Variants in RBFOX1 observed in about 807,000 individuals in gnomAD.
RBFOX1 encodes RNA binding fox-1 homolog 1, also known as RNA binding protein fox-1 homolog 1.
Under a neutral mutation model 57.7 loss-of-function variants are expected in RBFOX1, and 8 were observed. The observed-to-expected ratio is 0.14, with a 90% CI of 0.08 to 0.25. The LOEUF is 0.25. Among genes scored for constraint, RBFOX1 ranks in the 10% least tolerant of loss-of-function variants. RBFOX1 has a pLI of 1.00. For synonymous variants in RBFOX1, 326 were observed against 222.4 expected (o/e 1.47, Z -4.15); for missense variants, 611 against 548.5 (o/e 1.11, Z -1.14).
intron 3 of RBFOX1, among the ~76,000 whole-genome samples, chr16:6,766,836 G>C (rs1239422125): frequency 6.6e-6 from 1 of 152,030 alleles, no homozygotes; most frequent in Non-Finnish European, 1.5e-5. Context: ...TAAAGGATGG[G>C]AGGGGATCTG....
chr16:6,492,280 G>C (rs923361171), intron 2 of RBFOX1, among the ~76,000 whole-genome samples: 1 of 152,136 alleles, frequency 6.6e-6, no homozygotes, highest in Non-Finnish European at 1.5e-5. Flanking sequence ...TTCTTATTTT[G>C]AAAAAGTAGG....
At chr16:5,746,397 G>C (rs532494642) in intron 3 of RBFOX1, among the ~76,000 whole-genome samples, 1 of 152,152 alleles carries the variant, frequency 6.6e-6, no homozygotes, top group African/African-American at 2.4e-5. Context: ...TGTTCTTTTG[G>C]TTTAGGATTG....
chr16:6,618,716 A>G (rs557767241), intron 2 of RBFOX1, among the ~76,000 whole-genome samples: 1 of 152,210 alleles, frequency 6.6e-6, no homozygotes, highest in Non-Finnish European at 1.5e-5. Context: ...AAGCATTTCA[A>G]AAGCCCTCAC....
intron 2 of RBFOX1, among the ~76,000 whole-genome samples, chr16:5,587,170 G>A (rs1464289973): frequency 3.3e-5 from 5 of 152,156 alleles, no homozygotes; most frequent in African/African-American, 4.8e-5. Context: ...CCATTGAGTT[G>A]GGAGAGTATA....
intron 2 of RBFOX1, among the ~76,000 whole-genome samples, chr16:6,569,562 C>G (rs1444224148): frequency 1.3e-5 from 2 of 152,206 alleles, no homozygotes; most frequent in Non-Finnish European, 2.9e-5. Flanking sequence ...TTCTGGCAAG[C>G]TATGAGCTGT....
chr16:5,398,380 T>C (rs988091488), intron 1 of RBFOX1, among the ~76,000 whole-genome samples: 1 of 152,066 alleles, frequency 6.6e-6, no homozygotes, highest in African/African-American at 2.4e-5. Flanking sequence ...CATGTGCTTG[T>C]GTGTATGCAT....
chr16:6,657,098 C>G (rs1339199199), intron 3 of RBFOX1, among the ~76,000 whole-genome samples: 1 of 116,236 alleles, frequency 8.6e-6, no homozygotes, highest in Non-Finnish European at 1.7e-5. Context: ...CTCCCCTTTA[C>G]TCTCCTCTCC....
intron 2 of RBFOX1, among the ~76,000 whole-genome samples, chr16:5,485,281 G>A (rs2069687919): frequency 7.2e-6 from 1 of 138,874 alleles, no homozygotes; most frequent in South Asian, 2.3e-4. Flanking sequence ...AGGAGGCGGA[G>A]CTTGCAGTAA....
chr16:5,864,494 T>C (rs1389915427), intron 3 of RBFOX1, among the ~76,000 whole-genome samples: 1 of 151,980 alleles, frequency 6.6e-6, no homozygotes, highest in Admixed American at 6.6e-5. Context: ...TTTTCACATA[T>C]GCATCTATTG....
chr16:7,455,053 A>T (rs1011155928), intron 4 of RBFOX1, among the ~76,000 whole-genome samples: 1 of 152,216 alleles, frequency 6.6e-6, no homozygotes, highest in Non-Finnish European at 1.5e-5. Flanking sequence ...CCTATGTGTC[A>T]GGTACCATGC....
At chr16:7,250,213 G>A (rs1012220477) in intron 4 of RBFOX1, among the ~76,000 whole-genome samples, 3 of 152,184 alleles carry the variant, frequency 2.0e-5, no homozygotes, top group South Asian at 2.1e-4. Context: ...TAAATGGTAT[G>A]TGAAGCATGA....
At chr16:6,002,413 G>C (rs146178587) in intron 4 of RBFOX1, among the ~76,000 whole-genome samples, 1 of 152,198 alleles carries the variant, frequency 6.6e-6, no homozygotes, top group Admixed American at 6.5e-5. Context: ...CTGGCTGTGC[G>C]TACTAGTTAA....
At chr16:7,203,016 G>A (rs1035518709) in intron 4 of RBFOX1, among the ~76,000 whole-genome samples, 2 of 152,136 alleles carry the variant, frequency 1.3e-5, no homozygotes, top group African/African-American at 4.8e-5. Flanking sequence ...TGGATCTCCT[G>A]ACCTCGTGAT....
At chr16:7,194,288 CT>C (rs1267235888) in intron 4 of RBFOX1, among the ~76,000 whole-genome samples, 1 of 152,122 alleles carries the variant, frequency 6.6e-6, no homozygotes, top group Non-Finnish European at 1.5e-5. Context: ...TTATGGCTAC[CT>C]TTTATTCAGA....
rs189877579 is a variant in RBFOX1, at chr16:7,205,777, G to A, written c.27+153679G>A. ...TGAAAAGGGCAAAAGTGAGTGCAGG[G>A]ACTGCAGTGATTATCTGTATGAGGT... On this transcript the variant is annotated intron_variant, in intron 4 of 15. Transcript: ENST00000550418. 2.1e-3 allele frequency among the ~76,000 whole-genome samples: 316 copies of A among 152,334 alleles called. 1 individual carries two copies. Among genetic ancestry groups the A allele is most frequent in the Non-Finnish European group, 3.5e-3 (235 of 68,032 alleles).
chr16:6,548,846 T>A (rs1247546499), intron 2 of RBFOX1, among the ~76,000 whole-genome samples: 1 of 151,736 alleles, frequency 6.6e-6, no homozygotes, highest in East Asian at 2.0e-4. Flanking sequence ...GAGGCCAAGG[T>A]GTGTGGATCA....
chr16:6,818,395 G>A (rs973530972), intron 3 of RBFOX1, among the ~76,000 whole-genome samples: 1 of 151,766 alleles, frequency 6.6e-6, no homozygotes, highest in African/African-American at 2.4e-5. Flanking sequence ...TAGAAGAAAT[G>A]AACTTCATCT....
chr16:6,310,901 T>A (rs1472729861), intron 1 of RBFOX1, among the ~76,000 whole-genome samples: 9 of 140,570 alleles, frequency 6.4e-5, no homozygotes, highest in Non-Finnish European at 1.3e-4. Flanking sequence ...ACCAGTGGTT[T>A]AAAAAAAAAA....
chr16:7,123,515 T>G (rs2067688703), intron 4 of RBFOX1, among the ~76,000 whole-genome samples: 1 of 152,040 alleles, frequency 6.6e-6, no homozygotes, highest in Admixed American at 6.6e-5. Flanking sequence ...CAGGTGCACC[T>G]CAACATAATT....
Sources: gnomAD v4.1 joint callset for allele counts (sites outside exome capture counted in the v4.1 genomes callset) on GRCh38, gnomAD v4.1.1 for gene constraint, MANE v1.5 for transcripts, NCBI Gene and HGNC (gene_info 2026-07-23, HGNC 2026-07-21) for gene names.